The following RBMS3 variants were observed in gnomAD, a reference collection of about 807,000 sequenced individuals.
The protein encoded by RBMS3 is RNA binding motif single stranded interacting protein 3, also known as RNA-binding motif, single-stranded-interacting protein 3.
A neutral mutation model predicts 66.8 loss-of-function variants in RBMS3; 27 were observed. That is an observed-to-expected ratio of 0.40 (90% CI 0.30 to 0.56). RBMS3 has a LOEUF of 0.56. RBMS3 is among the 20% of genes least tolerant of loss of function. RBMS3 has a pLI of 0.40. For synonymous variants in RBMS3, 188 were observed against 183.0 expected (o/e 1.03, Z -0.22); for missense variants, 513 against 549.5 (o/e 0.93, Z 0.66).
At chr3:29,763,496 G>A (rs1164590465) in intron 6 of RBMS3, among the ~76,000 whole-genome samples, 1 of 152,010 alleles carries the variant, frequency 6.6e-6, no homozygotes, top group African/African-American at 2.4e-5. Context: ...AAAAATATCA[G>A]TTACTGACAA....
At chr3:29,490,919 A>G (rs2043518526) in intron 3 of RBMS3, among the ~76,000 whole-genome samples, 2 of 152,112 alleles carry the variant, frequency 1.3e-5, no homozygotes, top group Admixed American at 6.5e-5. Context: ...CAGAAGCACA[A>G]ATACTGCACA....
At chr3:29,591,175 A>G (rs1273467890) in intron 4 of RBMS3, among the ~76,000 whole-genome samples, 1 of 152,166 alleles carries the variant, frequency 6.6e-6, no homozygotes, top group Non-Finnish European at 1.5e-5. Flanking sequence ...AGCATCCATG[A>G]CATCAATAAA....
intron 1 of RBMS3, among the ~76,000 whole-genome samples, chr3:29,387,513 C>T (rs1387778444): frequency 6.6e-6 from 1 of 152,186 alleles, no homozygotes; most frequent in African/African-American, 2.4e-5. Context: ...AATTGCCTGC[C>T]TATGGTATGG....
At chr3:29,917,747 G>A (rs958166661) in intron 10 of RBMS3, among the ~76,000 whole-genome samples, 26 of 152,064 alleles carry the variant, frequency 1.7e-4, no homozygotes, top group African/African-American at 5.3e-4. Context: ...CTGGTTATTA[G>A]CATCTTGGGG....
At chr3:29,640,537 G>T (rs972447631) in intron 4 of RBMS3, among the ~76,000 whole-genome samples, 5 of 151,916 alleles carry the variant, frequency 3.3e-5, no homozygotes, top group African/African-American at 1.2e-4. Context: ...TGGTCAGTCT[G>T]TTGTAAATAA....
intron 6 of RBMS3, among the ~76,000 whole-genome samples, chr3:29,802,441 A>G (rs2149445004): frequency 6.6e-6 from 1 of 152,276 alleles, no homozygotes; most frequent in South Asian, 2.1e-4. Flanking sequence ...CAGAAAGAAA[A>G]ATATGCCCGA....
intron 6 of RBMS3, among the ~76,000 whole-genome samples, chr3:29,788,324 C>G (rs1347037951): frequency 6.6e-6 from 1 of 151,762 alleles, no homozygotes; most frequent in Non-Finnish European, 1.5e-5. Context: ...CTCCCTGGTT[C>G]AAGTGATTCT....
At chr3:29,722,259 C>T (rs78100610) in intron 4 of RBMS3, among the ~76,000 whole-genome samples, 4,221 of 152,020 alleles carry the variant, frequency 0.028, 83 homozygotes, top group Admixed American at 0.062. Flanking sequence ...TACCATAATA[C>T]TTTTCACCCA....
At chr3:29,349,536 C>A (rs2036779201) in intron 1 of RBMS3, among the ~76,000 whole-genome samples, 1 of 152,228 alleles carries the variant, frequency 6.6e-6, no homozygotes, top group African/African-American at 2.4e-5. Context: ...TCTGTCTTAA[C>A]TTGAGAAGCA....
chr3:29,944,237 C>T lies in RBMS3; in HGVS notation c.1081C>T (p.His361Tyr). 1 of 1,592,940 alleles carries T rather than the reference C, an allele frequency of 6.3e-7. No individual in the cohort carries two copies. The highest frequency in any genetic ancestry group is 8.6e-7 in the Non-Finnish European group (1 of 1,161,642). ...ATCCCAAGACAGGATTATGATACTC[C>T]ACCAGCTGTTGTGTCAGGTAGGAAA... is the stretch of plus-strand genomic sequence containing the variant. Reference protein sequence around the residue: ...IQSQDRIMILHQLLCQYMTAA... With the variant: ...IQSQDRIMILYQLLCQYMTAA... The change falls in exon 12 of 15, where the codon CAC becomes TAC. Residue 361 changes from histidine to tyrosine, a missense_variant. By Grantham distance (83) the His-to-Tyr change is moderately conservative. Coordinates refer to ENST00000383767, the MANE Select transcript of RBMS3 (RefSeq NM_001003793.3).
At chr3:29,836,176 T>C (rs1287174274) in intron 6 of RBMS3, among the ~76,000 whole-genome samples, 1 of 152,080 alleles carries the variant, frequency 6.6e-6, no homozygotes, top group Non-Finnish European at 1.5e-5. Context: ...TGGTGAATTA[T>C]ATCAAACATT....
chr3:29,420,270 C>T (rs962263959), intron 1 of RBMS3, among the ~76,000 whole-genome samples: 1 of 152,206 alleles, frequency 6.6e-6, no homozygotes, highest in Admixed American at 6.5e-5. Flanking sequence ...ATGGTGCCTT[C>T]CGGTCCTAGC....
chr3:29,379,485 CA>C (rs1293735232), intron 1 of RBMS3, among the ~76,000 whole-genome samples: 1 of 152,204 alleles, frequency 6.6e-6, no homozygotes. Context: ...TACAGTTCCA[CA>C]TGGCTGGGGA....
At chr3:29,295,897 T>C (rs2033228024) in intron 1 of RBMS3, among the ~76,000 whole-genome samples, 1 of 151,744 alleles carries the variant, frequency 6.6e-6, no homozygotes, top group African/African-American at 2.4e-5. Context: ...CACTGAAAAT[T>C]GCCATGATGA....
At chr3:29,983,837 C>G (rs554777774) in intron 12 of RBMS3, among the ~76,000 whole-genome samples, 7 of 151,924 alleles carry the variant, frequency 4.6e-5, no homozygotes, top group African/African-American at 1.7e-4. Flanking sequence ...TCTGGCTGCC[C>G]TTAACATTTT....
chr3:29,758,039 G>C (rs2055501909), intron 5 of RBMS3, among the ~76,000 whole-genome samples: 1 of 152,208 alleles, frequency 6.6e-6, no homozygotes, highest in South Asian at 2.1e-4. Flanking sequence ...TTTGTCAGCT[G>C]TTTTTCTCAT....
chr3:29,911,987 A>C lies in RBMS3; in HGVS notation c.939+12232A>C, dbSNP rs1574338. Among the ~76,000 whole-genome samples, 50 of 146,380 alleles carry C rather than the reference A, an allele frequency of 3.4e-4. 1 individual carries two copies. Among genetic ancestry groups the C allele is most frequent in the African/African-American group, 5.2e-4 (19 of 36,498 alleles). ...GGAGAAACACATACATAATAGCTAG[A>C]TAGATAGATAGATAGATAAATAGAT... On this transcript the variant is annotated intron_variant, in intron 10 of 14. Coordinates refer to ENST00000383767, the MANE Select transcript of RBMS3 (RefSeq NM_001003793.3).
intron 6 of RBMS3, among the ~76,000 whole-genome samples, chr3:29,832,036 T>C (rs970920913): frequency 2.0e-5 from 3 of 152,180 alleles, no homozygotes; most frequent in Non-Finnish European, 4.4e-5. Context: ...CTCTCTACAC[T>C]ATTCCTTTGT....
intron 3 of RBMS3, among the ~76,000 whole-genome samples, chr3:29,576,303 T>C (rs1031745721): frequency 2.0e-5 from 3 of 152,154 alleles, no homozygotes; most frequent in African/African-American, 7.2e-5. Flanking sequence ...TTTCCTTTAC[T>C]TTCTCCCAAA....
Sources: allele counts gnomAD v4.1 joint callset (sites outside exome capture counted in the v4.1 genomes callset), GRCh38; gene constraint gnomAD v4.1.1; transcripts MANE v1.5; gene names NCBI Gene and HGNC (gene_info 2026-07-23, HGNC 2026-07-21).